Variants in MERTK observed in about 807,000 individuals in gnomAD.
MERTK encodes the protein tyrosine-protein kinase Mer.
Under a neutral mutation model 99.3 loss-of-function variants are expected in MERTK, and 69 were observed. That is an observed-to-expected ratio of 0.70 (90% CI 0.57 to 0.85). The LOEUF (loss-of-function observed/expected upper bound fraction) is 0.85, where lower values mean the gene tolerates loss of function less well. Among genes scored for constraint, MERTK ranks in the 40% least tolerant of loss-of-function variants. MERTK has a pLI of 0.00. For synonymous variants in MERTK, 426 were observed against 467.6 expected (o/e 0.91, Z 1.15); for missense variants, 1,125 against 1,249.4 (o/e 0.90, Z 1.50).
intron 1 of MERTK, among the ~76,000 whole-genome samples, chr2:111,910,700 C>G (rs1684230215): frequency 6.6e-6 from 1 of 151,688 alleles, no homozygotes; most frequent in African/African-American, 2.4e-5. Flanking sequence ...ATGGATGGAA[C>G]TGGAAGACAT....
intron 1 of MERTK, among the ~76,000 whole-genome samples, chr2:111,918,178 A>G (rs140305297): frequency 6.6e-6 from 1 of 152,136 alleles, no homozygotes; most frequent in Non-Finnish European, 1.5e-5. Flanking sequence ...TCTGGGGTGT[A>G]CTTAGTGGGA....
chr2:111,907,642 G>A (rs1478365225), intron 1 of MERTK, among the ~76,000 whole-genome samples: 1 of 149,616 alleles, frequency 6.7e-6, no homozygotes, highest in Non-Finnish European at 1.5e-5. Context: ...TTTCCGGGGT[G>A]GATGGAGTGG....
chr2:112,008,314 C>A, intron 13 of MERTK, 69 bp from the exon 14 acceptor site: 1 of 1,154,018 alleles, frequency 8.7e-7, no homozygotes, highest in Non-Finnish European at 1.3e-6. Context: ...AACAGAACTG[C>A]TGTTGCCCAC....
At chr2:112,026,594 C>T (rs1677465553) in intron 18 of MERTK, among the ~76,000 whole-genome samples, 1 of 152,172 alleles carries the variant, frequency 6.6e-6, no homozygotes, top group Non-Finnish European at 1.5e-5. Context: ...CAAAACAGAA[C>T]CCCTAAGCCT....
In MERTK at chr2:112,021,542, A is replaced by T. The variant is rs1174441012; in HGVS notation, c.2310A>T (p.Glu770Asp). The T allele has an allele frequency of 6.8e-7, 1 of 1,481,330 alleles. No individual in the cohort carries two copies. The highest frequency in any genetic ancestry group is 1.6e-5 in the African/African-American group (1 of 61,012). The allele number at this position is 1,481,330 out of a possible 1,614,324, so 91.8% of individuals were successfully genotyped here. A position where few individuals can be genotyped will look rare whatever the true frequency, so the allele number is the denominator to read the frequency against. The change falls in exon 17 of 19, where the codon GAA becomes GAT. Residue 770 changes from glutamate to aspartate, a missense_variant. Physicochemically the swap from Glu to Asp is conservative, Grantham distance 45. Coordinates refer to ENST00000295408, the MANE Select transcript of MERTK (RefSeq NM_006343.3). ...TGCCTGTTAAATGGATCGCCATAGA[A>T]AGTCTTGCAGACCGAGTCTACACAA... is the stretch of plus-strand genomic sequence containing the variant. ...AKMPVKWIAIESLADRVYTSK... is the reference protein window; with the variant it reads ...AKMPVKWIAIDSLADRVYTSK...
In MERTK at chr2:112,003,102, G is replaced by T. The variant is rs1332297290; in HGVS notation, c.1701G>T (p.Leu567Phe). The stretch of plus-strand genomic sequence containing the variant: ...TTACTCCTTTTTCAGTACATAGCTT[G>T]GGAGTCAGTGAGGAACTACAAAATA... The part of the protein sequence containing the change: ...RRAIELTLHS[L>F]GVSEELQNKL... Residue 567 changes from leucine (L) to phenylalanine (F), a missense_variant, in exon 12 of 19, where the codon TTG (leucine) becomes TTT (phenylalanine). By Grantham distance (22) the Leu-to-Phe change is conservative (BLOSUM62 0). Transcript: ENST00000295408. The T allele has an allele frequency of 1.3e-6, 2 of 1,546,038 alleles. No homozygotes were observed. The highest frequency in any genetic ancestry group is 2.2e-5 in the South Asian group (2 of 89,638).
chr2:111,914,101 CTTTTTTTTTT>C (rs765850254), intron 1 of MERTK, among the ~76,000 whole-genome samples: 1 of 94,456 alleles, frequency 1.1e-5, no homozygotes, highest in Non-Finnish European at 2.0e-5. Flanking sequence ...TTCTTTCTTT[CTTTTTTTTTT>C]TTTTTTTTTT....
At chr2:111,944,530 A>ATTATTCCTTAAGATAATTCCTCTGTT in intron 2 of MERTK, among the ~76,000 whole-genome samples, 1 of 152,202 alleles carries the variant, frequency 6.6e-6, no homozygotes, top group African/African-American at 2.4e-5. Flanking sequence ...GTTTTAAGGA[A>ATTATTCCTTAAGATAATTCCTCTGTT]TTAGCTCACA....
At chr2:111,963,549 GGAGTGGTGATGACTCTTAAC>G (rs1275568494) in intron 4 of MERTK, among the ~76,000 whole-genome samples, 5 of 151,438 alleles carry the variant, frequency 3.3e-5, no homozygotes, top group Non-Finnish European at 7.4e-5. Flanking sequence ...TTGAGATTAG[GGAGTGGTGATGACTCTTAAC>G]GAGCATGCTG....
chr2:111,932,655 C>A lies in MERTK; in HGVS notation c.482+3115C>A, dbSNP rs186198002. Among the ~76,000 whole-genome samples the A allele has an allele frequency of 3.5e-4, 54 of 152,282 alleles. No individual in the cohort carries two copies. The East Asian group carries it at 9.6e-3, about 27-fold the overall frequency. On this transcript the variant is annotated intron_variant, in intron 2 of 18. Transcript: ENST00000295408. ...AAGAGGAAAGAAACATGAAATGCAGCTTAACAGTTAAAGATGGGTTTATTT... is the reference window on the plus strand; with the variant it reads ...AAGAGGAAAGAAACATGAAATGCAGATTAACAGTTAAAGATGGGTTTATTT...
intron 3 of MERTK, among the ~76,000 whole-genome samples, chr2:111,945,464 C>T (rs62162470): frequency 0.059 from 8,960 of 152,348 alleles, 388 homozygotes; most frequent in South Asian, 0.2. Flanking sequence ...AGCATCTTTT[C>T]CTGTCTTGCC....
At chr2:111,909,729 G>GT (rs927338946) in intron 1 of MERTK, among the ~76,000 whole-genome samples, 5 of 152,098 alleles carry the variant, frequency 3.3e-5, no homozygotes, top group African/African-American at 1.2e-4. Flanking sequence ...ATGTGGTGAT[G>GT]TTTTCCAGGC....
intron 15 of MERTK, chr2:112,010,368 C>T: frequency 5.6e-6 from 2 of 354,916 alleles, no homozygotes; most frequent in Non-Finnish European, 5.5e-6. Context: ...ACCCTCATGG[C>T]CGCATACTCC....
chr2:111,975,587 A>C, intron 7 of MERTK, 115 bp downstream of exon 7: 1 of 1,149,138 alleles, frequency 8.7e-7, no homozygotes, highest in Admixed American at 1.8e-5. Flanking sequence ...TTGTCTCTGG[A>C]GGAGAAAATT....
intron 5 of MERTK, among the ~76,000 whole-genome samples, chr2:111,966,738 T>G (rs777192130): frequency 2.6e-4 from 39 of 152,190 alleles, no homozygotes; most frequent in East Asian, 1.9e-4. Flanking sequence ...AGGCAGATGC[T>G]TTAGGGCAGT....
chr2:111,962,746 C>T (rs1464796541), intron 4 of MERTK, among the ~76,000 whole-genome samples: 2 of 152,140 alleles, frequency 1.3e-5, no homozygotes, highest in Non-Finnish European at 2.9e-5. Flanking sequence ...GGATCTCATC[C>T]AGGACACCAC....
chr2:111,981,223 G>C (rs1676365388), intron 7 of MERTK, among the ~76,000 whole-genome samples: 1 of 151,992 alleles, frequency 6.6e-6, no homozygotes, highest in Non-Finnish European at 1.5e-5. Context: ...GCAACAGTTT[G>C]GTGTATATTA....
chr2:111,911,997 C>CTTTATTTATTTA lies in MERTK; in HGVS notation c.61+13215_61+13226dup, dbSNP rs70962964. Reference sequence around the variant, plus strand: ...AGCCACTGTGCCTGGCTTCCAATCGCTTTATTTATTTATTTATTTATTTAT... The same window carrying CTTTATTTATTTA: ...AGCCACTGTGCCTGGCTTCCAATCGCTTTATTTATTTATTTATTTATTTATTTATTTATTTAT... On this transcript the variant is annotated intron_variant, in intron 1 of 18. Coordinates refer to ENST00000295408, the MANE Select transcript of MERTK (RefSeq NM_006343.3). Among the ~76,000 whole-genome samples the CTTTATTTATTTA allele has an allele frequency of 1.4e-3, 204 of 148,364 alleles. 1 individual carries two copies. The highest frequency in any genetic ancestry group is 2.0e-3 in the Non-Finnish European group (132 of 67,280).
chr2:111,976,731 A>G (rs1156486571), intron 7 of MERTK, among the ~76,000 whole-genome samples: 1 of 151,426 alleles, frequency 6.6e-6, no homozygotes, highest in African/African-American at 2.4e-5. Context: ...CTTTTTCTTC[A>G]TTTAAAAATA....
Sources: allele counts gnomAD v4.1 joint callset (sites outside exome capture counted in the v4.1 genomes callset), GRCh38; gene constraint gnomAD v4.1.1; transcripts MANE v1.5; gene names NCBI Gene and HGNC (gene_info 2026-07-23, HGNC 2026-07-21).